RANBP17: variants seen among roughly 807,000 people sequenced by gnomAD.
RANBP17 encodes ran-binding protein 17.
Under a neutral mutation model 141.2 loss-of-function variants are expected in RANBP17, and 158 were observed. The observed-to-expected ratio is 1.12, with a 90% CI of 0.98 to 1.28. The LOEUF is 1.28. Among genes scored for constraint, RANBP17 ranks in the 50% most tolerant of loss-of-function variants. The pLI is 0.00. For missense variants in RANBP17, 1,438 were observed against 1,290.7 expected, an observed-to-expected ratio of 1.11 and a Z score of -1.75; for synonymous variants, 430 against 450.0, an observed-to-expected ratio of 0.96 and a Z score of 0.56.
At chr5:171,271,993 C>G (rs1767145600) in intron 25 of RANBP17, among the ~76,000 whole-genome samples, 1 of 152,138 alleles carries the variant, frequency 6.6e-6, no homozygotes, top group South Asian at 2.1e-4. Flanking sequence ...ATATATACAC[C>G]ATGGAGTACT....
At chr5:171,036,599 C>T (rs1384395526) in intron 14 of RANBP17, among the ~76,000 whole-genome samples, 1 of 152,094 alleles carries the variant, frequency 6.6e-6, no homozygotes, top group Admixed American at 6.6e-5. Context: ...ACCCTTTCTC[C>T]CTCTAGCAGT....
At chr5:171,287,571 CT>C (rs1018309839) in intron 25 of RANBP17, among the ~76,000 whole-genome samples, 295 of 144,696 alleles carry the variant, frequency 2.0e-3, no homozygotes, top group Admixed American at 2.2e-3. Context: ...TCTGATCATC[CT>C]TTTTTTTTTT....
rs114608087 is a variant in RANBP17, at chr5:171,098,715, G to C, written c.1711-71415G>C. On this transcript the variant is annotated intron_variant, in intron 14 of 27. Transcript: ENST00000523189. ...TTTTAGTCATGAAGTTATCACCCATGCCTGTGTCCTGAATGGTATTGCCTA... is the reference window on the plus strand; with the variant it reads ...TTTTAGTCATGAAGTTATCACCCATCCCTGTGTCCTGAATGGTATTGCCTA... 8.2e-3 allele frequency among the ~76,000 whole-genome samples: 1,247 copies of C among 152,240 alleles called. 16 individuals carry two copies. The highest frequency in any genetic ancestry group is 0.029 in the African/African-American group (1,188 of 41,516).
intron 14 of RANBP17, among the ~76,000 whole-genome samples, chr5:171,022,106 G>C (rs115605401): frequency 6.6e-5 from 10 of 152,060 alleles, no homozygotes; most frequent in African/African-American, 2.4e-4. Flanking sequence ...CTCTTCATCC[G>C]GTTCACTCCC....
chr5:171,275,700 A>G (rs1297500955), intron 25 of RANBP17, among the ~76,000 whole-genome samples: 1 of 152,190 alleles, frequency 6.6e-6, no homozygotes, highest in Non-Finnish European at 1.5e-5. Flanking sequence ...AAGTTGCTAA[A>G]TCAGGCCTAG....
intron 14 of RANBP17, among the ~76,000 whole-genome samples, chr5:171,097,968 A>G (rs1786824554): frequency 6.6e-6 from 1 of 152,076 alleles, no homozygotes; most frequent in African/African-American, 2.4e-5. Flanking sequence ...ATATGAACTC[A>G]TCCTTTTTTA....
Position 171,223,549 on chromosome 5 carries a change from C to T in RANBP17, c.2422+1709C>T, listed in dbSNP as rs963234611. Among the ~76,000 whole-genome samples the T allele has an allele frequency of 3.3e-5, 5 of 152,094 alleles. No homozygotes were observed. The East Asian group carries it at 5.8e-4, about 18-fold the overall frequency. ...ACTCAGGAGGCTGAGGCAGGAGGAT[C>T]GTTTGAACCCGGGAGGCAGAGGTTG... On this transcript the variant is annotated intron_variant, in intron 22 of 27. Coordinates refer to ENST00000523189, the MANE Select transcript of RANBP17 (RefSeq NM_022897.5).
chr5:171,146,411 G>A (rs771396252), intron 14 of RANBP17, among the ~76,000 whole-genome samples: 3 of 152,142 alleles, frequency 2.0e-5, no homozygotes, highest in Admixed American at 1.3e-4. Context: ...AATCATGTAG[G>A]GTAAATGCAC....
At chr5:170,884,665 T>C (rs1212494715) in intron 3 of RANBP17, among the ~76,000 whole-genome samples, 1 of 152,092 alleles carries the variant, frequency 6.6e-6, no homozygotes, top group Non-Finnish European at 1.5e-5. Context: ...GTAATTTCTG[T>C]CTGACTTTTT....
intron 16 of RANBP17, among the ~76,000 whole-genome samples, chr5:171,176,867 A>G (rs1012734097): frequency 1.3e-5 from 2 of 152,174 alleles, no homozygotes; most frequent in African/African-American, 4.8e-5. Context: ...TGAATCCTGA[A>G]TGTGGTAGGT....
In RANBP17 at chr5:170,878,219, T is replaced by G; in HGVS notation, c.141T>G (p.Cys47Trp). Residue 47 changes from cysteine to tryptophan, a missense_variant, in exon 2 of 28, where the codon TGT becomes TGG. By Grantham distance (215) the Cys-to-Trp change is radical. Transcript: ENST00000523189. ...LIDSPECLSKCQLLLEQGTTS... is the reference protein window; with the variant it reads ...LIDSPECLSKWQLLLEQGTTS... ...ACAGTCCAGAATGTCTCAGCAAGTG[T>G]CAACTTTTATTAGAACAAGGAACAG... The G allele has an allele frequency of 6.2e-7, 1 of 1,609,754 alleles. No homozygotes were observed. Among genetic ancestry groups the G allele is most frequent in the Non-Finnish European group, 8.5e-7 (1 of 1,178,378 alleles).
intron 14 of RANBP17, among the ~76,000 whole-genome samples, chr5:171,023,221 A>G (rs772230067): frequency 2.0e-5 from 3 of 152,360 alleles, no homozygotes; most frequent in Non-Finnish European, 4.4e-5. Flanking sequence ...CTAGTCGGCC[A>G]TCTTGGCCCT....
chr5:171,267,320 A>G (rs771661335), intron 25 of RANBP17, among the ~76,000 whole-genome samples: 5 of 151,714 alleles, frequency 3.3e-5, no homozygotes, highest in Non-Finnish European at 7.4e-5. Context: ...CTGGGATTAC[A>G]GGTGTGAGCC....
chr5:171,073,921 A>G (rs1194005727), intron 14 of RANBP17, among the ~76,000 whole-genome samples: 5 of 151,870 alleles, frequency 3.3e-5, no homozygotes. Context: ...TTCAATCCAT[A>G]CTGATATAAA....
intron 25 of RANBP17, among the ~76,000 whole-genome samples, chr5:171,276,666 G>A (rs1767503704): frequency 6.6e-6 from 1 of 152,046 alleles, no homozygotes; most frequent in Non-Finnish European, 1.5e-5. Flanking sequence ...GATAGCAAAG[G>A]AGTGGTAAAA....
chr5:171,259,837 T>C (rs552828594), intron 24 of RANBP17, among the ~76,000 whole-genome samples: 8 of 148,182 alleles, frequency 5.4e-5, no homozygotes, highest in Non-Finnish European at 1.2e-4. Context: ...AGAAATTAAC[T>C]GGGTGTGATG....
Position 171,239,820 on chromosome 5 carries a change from A to C in RANBP17, c.2423-1108A>C, listed in dbSNP as rs1014704960. 1.3e-5 allele frequency among the ~76,000 whole-genome samples: 2 copies of C among 152,296 alleles called. 1 individual carries two copies. The highest frequency in any genetic ancestry group is 4.1e-4 in the South Asian group (2 of 4,824). ...CAGCAGGGCTGGTAGTTCTAGACAC[A>C]AACAGGACAAGGAAGAACAAGGACA... is the stretch of plus-strand genomic sequence containing the variant. On this transcript the variant is annotated intron_variant, in intron 22 of 27. Transcript: ENST00000523189.
chr5:170,912,824 T>C (rs7702285), intron 7 of RANBP17, among the ~76,000 whole-genome samples: 92,908 of 151,652 alleles, frequency 0.61, 29,851 homozygotes, highest in South Asian at 0.9. Flanking sequence ...ATGTTCTGAG[T>C]TCTGAAGGGT....
At chr5:170,969,651 G>A (rs187572635) in intron 14 of RANBP17, among the ~76,000 whole-genome samples, 110 of 152,042 alleles carry the variant, frequency 7.2e-4, no homozygotes, top group African/African-American at 2.5e-3. Context: ...ATCCTTCTAA[G>A]TGTTGTTTTG....
Sources: gnomAD v4.1 joint callset for allele counts (sites outside exome capture counted in the v4.1 genomes callset) on GRCh38, gnomAD v4.1.1 for gene constraint, MANE v1.5 for transcripts, NCBI Gene and HGNC (gene_info 2026-07-23, HGNC 2026-07-21) for gene names.